The following KIF23 variants were observed in gnomAD, a reference collection of about 807,000 sequenced individuals.
The protein encoded by KIF23 is kinesin family member 23.
KIF23 carries 30 observed loss-of-function variants against 137.5 expected under a neutral mutation model. That is an observed-to-expected ratio of 0.22 (90% CI 0.16 to 0.30). KIF23 has a LOEUF of 0.30. KIF23 is among the 10% of genes least tolerant of loss of function. The probability of loss-of-function intolerance (pLI) is 1.00; values close to 1 mark genes in which losing one functional copy is unlikely to be tolerated. For missense variants in KIF23, 920 were observed against 1,194.3 expected (o/e 0.77, Z 3.38); for synonymous variants, 367 against 391.1 (o/e 0.94, Z 0.73).
At chr15:69,439,380 C>T (rs187705317) in intron 16 of KIF23, among the ~76,000 whole-genome samples, 10 of 151,620 alleles carry the variant, frequency 6.6e-5, no homozygotes, top group East Asian at 3.9e-4. Context: ...GGGCCTTGGA[C>T]GTAACAGATA....
intron 19 of KIF23, among the ~76,000 whole-genome samples, chr15:69,441,924 T>A (rs911140836): frequency 6.6e-5 from 10 of 151,860 alleles, no homozygotes; most frequent in African/African-American, 2.4e-4. Context: ...CAGGCCACCA[T>A]GCTAATTTTT....
At chr15:69,438,716 G>A (rs1315345013) in intron 16 of KIF23, among the ~76,000 whole-genome samples, 4 of 152,052 alleles carry the variant, frequency 2.6e-5, no homozygotes, top group East Asian at 3.9e-4. Flanking sequence ...CAGGAGAATC[G>A]CTTGAACTGG....
chr15:69,445,166 T>C (rs1177340502), intron 20 of KIF23, 125 bp downstream of exon 20: 2 of 956,992 alleles, frequency 2.1e-6, no homozygotes, highest in Admixed American at 2.9e-5. Context: ...GTATTTGATA[T>C]AACCTTTTTG....
chr15:69,431,475 G>T (rs1039834003), intron 11 of KIF23, among the ~76,000 whole-genome samples: 1 of 152,168 alleles, frequency 6.6e-6, no homozygotes, highest in Non-Finnish European at 1.5e-5. Context: ...TTAGCTGGGC[G>T]TGGTGGTGGG....
At chr15:69,434,172 A>T (rs1596005635) in intron 11 of KIF23, among the ~76,000 whole-genome samples, 1 of 152,248 alleles carries the variant, frequency 6.6e-6, no homozygotes, top group East Asian at 1.9e-4. Context: ...CATCCTAGAG[A>T]TAACCCACTG....
intron 11 of KIF23, among the ~76,000 whole-genome samples, chr15:69,431,162 G>A (rs2057347343): frequency 6.6e-6 from 1 of 152,240 alleles, no homozygotes; most frequent in Non-Finnish European, 1.5e-5. Context: ...TTTGATTGAG[G>A]AGAAGCAGTT....
rs758560718 is a variant in KIF23 at position 69,425,341 on chromosome 15, CTCTTT to C, written c.776+23_776+27del. The C allele has an allele frequency of 2.2e-4, 344 of 1,534,144 alleles. No individual in the cohort carries two copies. The highest frequency in any genetic ancestry group is 2.8e-4 in the Non-Finnish European group (317 of 1,145,236). ...GATTTTGTGTATGTGATGGTGTTGG[CTCTTT>C]TCTTAAGGAGAAGGGTGCAGTTATA... On this transcript the variant is annotated intron_variant, in intron 8 of 23. Coordinates refer to ENST00000679126, the MANE Select transcript of KIF23 (RefSeq NM_001367805.3).
intron 6 of KIF23, 27 bp downstream of exon 6, chr15:69,422,462 C>A: frequency 7.8e-7 from 1 of 1,286,956 alleles, no homozygotes; most frequent in Non-Finnish European, 1.1e-6. Context: ...GTCTGCAGCA[C>A]TGGCCTAGGG....
intron 15 of KIF23, among the ~76,000 whole-genome samples, chr15:69,437,456 CTTTTTTTTTTTT>C (rs772460557): frequency 5.8e-5 from 7 of 120,562 alleles, no homozygotes; most frequent in Non-Finnish European, 1.2e-4. Context: ...AATGTATCTA[CTTTTTTTTTTTT>C]TTTTTTTTTT....
At chr15:69,432,775 A>C (rs2057386849) in intron 11 of KIF23, among the ~76,000 whole-genome samples, 1 of 152,236 alleles carries the variant, frequency 6.6e-6, no homozygotes, top group Admixed American at 6.5e-5. Flanking sequence ...AAGACACAGC[A>C]GCAGGTCTGA....
intron 7 of KIF23, among the ~76,000 whole-genome samples, chr15:69,424,790 G>A (rs1273988416): frequency 6.6e-6 from 1 of 152,140 alleles, no homozygotes; most frequent in Non-Finnish European, 1.5e-5. Context: ...TTACAAGTGT[G>A]AGCCACCATG....
At chr15:69,427,483 C>G (rs1317259010) in intron 10 of KIF23, 3 of 452,386 alleles carry the variant, frequency 6.6e-6, no homozygotes, top group Non-Finnish European at 8.9e-6. Context: ...GATTTTTTCT[C>G]TCTGGCGACT....
At position 69,440,914 on chromosome 15, in the gene KIF23, A is replaced by C; in HGVS notation, c.2256A>C (p.Thr752=). The stretch of plus-strand genomic sequence containing the variant: ...AGCAGAAAATTCCTACGTACAACAC[A>C]CCTCTCAAAGTCACATCTATTGCAA... ...EWEQKIPTYN[T]PLKVTSIARR... The change falls in exon 19 of 24, where the codon ACA becomes ACC. Residue 752 remains threonine (T), a synonymous_variant. Transcript: ENST00000679126. 3 of 1,614,070 alleles carry C rather than the reference A, an allele frequency of 1.9e-6. No homozygotes were observed. In the South Asian group the frequency reaches 3.3e-5, roughly 18 times the overall value.
At chr15:69,439,868 A>AT in intron 16 of KIF23, 36 bp from the exon 17 acceptor site, 1 of 1,472,822 alleles carries the variant, frequency 6.8e-7, no homozygotes, top group East Asian at 2.3e-5. Flanking sequence ...AAATGTTTAT[A>AT]TACCAAATAT....
At chr15:69,447,018 C>A in intron 23 of KIF23, 77 bp downstream of exon 23, 2 of 1,250,980 alleles carry the variant, frequency 1.6e-6, no homozygotes, top group South Asian at 1.2e-5. Flanking sequence ...CTCCTTCTAC[C>A]AGCCATCCAC....
At chr15:69,431,183 G>T (rs73426088) in intron 11 of KIF23, among the ~76,000 whole-genome samples, 2 of 152,186 alleles carry the variant, frequency 1.3e-5, no homozygotes, top group Non-Finnish European at 2.9e-5. Flanking sequence ...TTAGGAGCAG[G>T]TATAGGCAGG....
At position 69,446,866 on chromosome 15, in the gene KIF23, C is replaced by T. The variant is rs1250579511; in HGVS notation, c.2839-5C>T. 3.7e-6 allele frequency: 6 copies of T among 1,613,822 alleles called. No homozygotes were observed. The highest frequency in any genetic ancestry group is 5.1e-6 in the Non-Finnish European group (6 of 1,179,804). On this transcript the variant is annotated splice_region_variant and splice_polypyrimidine_tract_variant and intron_variant, in intron 22 of 23. Transcript: ENST00000679126. The stretch of plus-strand genomic sequence containing the variant: ...ATCTTTTTCCTCTTGTCATTTTCCT[C>T]TCAGTGTTCTGTGGCTGTGGAGATG...
chr15:69,418,972 C>G (rs2056984834), intron 3 of KIF23, among the ~76,000 whole-genome samples: 1 of 152,036 alleles, frequency 6.6e-6, no homozygotes, highest in Non-Finnish European at 1.5e-5. Context: ...CAAAAATTAG[C>G]CGGGCATGAT....
At chr15:69,430,042 C>G (rs1394956486) in intron 11 of KIF23, among the ~76,000 whole-genome samples, 1 of 151,806 alleles carries the variant, frequency 6.6e-6, no homozygotes, top group Non-Finnish European at 1.5e-5. Flanking sequence ...AAAAAGGACT[C>G]TATTTTTAGT....
Sources: allele counts gnomAD v4.1 joint callset (sites outside exome capture counted in the v4.1 genomes callset), GRCh38; gene constraint gnomAD v4.1.1; transcripts MANE v1.5; gene names NCBI Gene and HGNC (gene_info 2026-07-23, HGNC 2026-07-21).